The following MORC2 variants were observed in gnomAD, a reference collection of about 807,000 sequenced individuals.
MORC2 encodes MORC family CW-type zinc finger 2, also known as ATPase MORC2.
In MORC2, 30 loss-of-function variants were observed where a neutral mutation model predicts 136.0. The observed-to-expected ratio is 0.22, with a 90% CI of 0.17 to 0.30. The LOEUF is 0.30. Among genes scored for constraint, MORC2 ranks in the 10% least tolerant of loss-of-function variants. The probability of loss-of-function intolerance (pLI) is 1.00; values close to 1 mark genes in which losing one functional copy is unlikely to be tolerated. For synonymous variants in MORC2, 439 were observed against 487.0 expected (o/e 0.90, Z 1.30); for missense variants, 922 against 1,333.1 (o/e 0.69, Z 4.80).
In MORC2 at chr22:30,938,154, T is replaced by C. The variant is rs1602486010; in HGVS notation, c.1125A>G (p.Glu375=). 3 of 1,614,076 alleles carry C rather than the reference T, an allele frequency of 1.9e-6. No homozygotes were observed. In the African/African-American group the frequency reaches 4.0e-5, roughly 22 times the overall value. ...TGAACATGCCATCCAGATCCCGGTG[T>C]TCAATGTTGACACCAAAAACAAAAT... ...ELNFVFGVNI[E]HRDLDGMFIY... is the part of the protein sequence containing the mutation. The change falls in exon 13 of 26, where the codon GAA becomes GAG. Residue 375 remains glutamate (E), a synonymous_variant. Coordinates refer to ENST00000397641, the MANE Select transcript of MORC2 (RefSeq NM_001303256.3).
Position 30,939,610 on chromosome 22 carries a change from C to CT in MORC2, c.1073+10dup. The CT allele has an allele frequency of 2.5e-6, 4 of 1,613,848 alleles. No homozygotes were observed. The highest frequency in any genetic ancestry group is 3.4e-6 in the Non-Finnish European group (4 of 1,179,852). On this transcript the variant is annotated intron_variant, in intron 12 of 25. Coordinates refer to ENST00000397641, the MANE Select transcript of MORC2 (RefSeq NM_001303256.3). ...CAGTTTAAAAGATCCAAGGACAGGC[C>CT]TGGCACTCACCGCTGCTTGGCCTCC...
chr22:30,926,296 C>T lies in MORC2; in HGVS notation c.*507G>A, dbSNP rs1476174827. On this transcript the variant is annotated 3_prime_UTR_variant, in exon 26 of 26. Transcript: ENST00000397641. ...AGAGAGAGCCCCTCCAATGTGGAAC[C>T]TCCTACACAGCCCCCCTTTTGGGTC... 6.6e-6 allele frequency: 1 copy of T among 152,554 alleles called. No homozygotes were observed. Among genetic ancestry groups the T allele is most frequent in the East Asian group, 1.9e-4 (1 of 5,202 alleles). 9.5% of individuals were successfully genotyped at this position (152,554 alleles called of 1,614,324 possible).
intron 2 of MORC2, among the ~76,000 whole-genome samples, chr22:30,957,098 T>A (rs2147304373): frequency 6.6e-6 from 1 of 152,316 alleles, no homozygotes; most frequent in South Asian, 2.1e-4. Context: ...CAAGAATATT[T>A]CCCTTTATAC....
Position 30,937,473 on chromosome 22 carries a change from G to T in MORC2, c.1498+110C>A. On this transcript the variant is annotated intron_variant, in intron 15 of 25. Transcript: ENST00000397641. The surrounding 1 kb of genome is among the most constrained non-coding windows in gnomAD (Gnocchi z 4.7). Reference sequence around the variant, plus strand: ...GTCAAACAGACTTGGATCCCTAGGGGACTGTAAGTCCATGAATGTCAGTCA... The same window carrying T: ...GTCAAACAGACTTGGATCCCTAGGGTACTGTAAGTCCATGAATGTCAGTCA... 6.7e-7 allele frequency: 1 copy of T among 1,486,474 alleles called. No individual in the cohort carries two copies. Among genetic ancestry groups the T allele is most frequent in the Non-Finnish European group, 9.1e-7 (1 of 1,103,400 alleles). The allele number at this position is 1,486,474 out of a possible 1,614,324, so 92.1% of individuals were successfully genotyped here. A position where few individuals can be genotyped will look rare whatever the true frequency, so the allele number is the denominator to read the frequency against.
chr22:30,937,783 AAGGCAG>A lies in MORC2; in HGVS notation c.1369+26_1369+31del, dbSNP rs753976360. On this transcript the variant is annotated intron_variant, in intron 14 of 25. Transcript: ENST00000397641. This position sits in a 1 kb window ranked among gnomAD's most constrained non-coding sequence, Gnocchi z 4.7. Reference sequence around the variant, plus strand: ...TCTCCCTACATTCAGGTGAAGAGAAAAGGCAGAGGCCCAGCAGCCCAGCCCCATTAC... The same window carrying A: ...TCTCCCTACATTCAGGTGAAGAGAAAAGGCCCAGCAGCCCAGCCCCATTAC... 14 of 1,613,882 alleles carry A rather than the reference AAGGCAG, an allele frequency of 8.7e-6. No homozygotes were observed. The highest frequency in any genetic ancestry group is 1.1e-5 in the Non-Finnish European group (13 of 1,179,952).
At chr22:30,935,700 T>G (rs1453500301) in intron 17 of MORC2, among the ~76,000 whole-genome samples, 1 of 152,088 alleles carries the variant, frequency 6.6e-6, no homozygotes, top group Non-Finnish European at 1.5e-5. Context: ...TGAGAGCACA[T>G]CTGCACAGAC....
intron 6 of MORC2, among the ~76,000 whole-genome samples, chr22:30,943,430 C>T (rs1376651777): frequency 6.6e-6 from 1 of 152,190 alleles, no homozygotes; most frequent in African/African-American, 2.4e-5. Context: ...ATAAATATTT[C>T]AATACACTCT....
intron 6 of MORC2, among the ~76,000 whole-genome samples, chr22:30,942,817 C>T (rs2040760587): frequency 6.6e-6 from 1 of 152,032 alleles, no homozygotes; most frequent in South Asian, 2.1e-4. Flanking sequence ...CCAGTCTGGG[C>T]AACATGGTGA....
chr22:30,939,488 C>T (rs1405441899), intron 12 of MORC2, 133 bp downstream of exon 12: 2 of 820,512 alleles, frequency 2.4e-6, no homozygotes, highest in South Asian at 1.8e-5. Flanking sequence ...TTAAGACTTC[C>T]CTCCTGCAGG....
intron 1 of MORC2, among the ~76,000 whole-genome samples, chr22:30,964,993 T>C (rs1170659921): frequency 6.6e-6 from 1 of 152,216 alleles, no homozygotes; most frequent in African/African-American, 2.4e-5. Context: ...TTTCATATAA[T>C]CCTCGTAAAA....
At chr22:30,966,637 G>A (rs2041132557) in intron 1 of MORC2, among the ~76,000 whole-genome samples, 1 of 152,070 alleles carries the variant, frequency 6.6e-6, no homozygotes, top group Non-Finnish European at 1.5e-5. Flanking sequence ...AATTAGCTGG[G>A]CGTGGTGGTG....
At chr22:30,951,575 TC>T (rs1039404707) in intron 3 of MORC2, among the ~76,000 whole-genome samples, 8 of 152,178 alleles carry the variant, frequency 5.3e-5, no homozygotes, top group African/African-American at 1.7e-4. Context: ...AGGTAGCATT[TC>T]TAAGAGGAAA....
At chr22:30,940,375 T>C (rs1401724606) in intron 10 of MORC2, among the ~76,000 whole-genome samples, 2 of 149,864 alleles carry the variant, frequency 1.3e-5, no homozygotes, top group Non-Finnish European at 3.0e-5. Flanking sequence ...AGCCAATCAC[T>C]CTCCAACAAG....
Position 30,926,461 on chromosome 22 carries a change from G to A in MORC2, c.*342C>T, listed in dbSNP as rs1466212766. 2 of 157,072 alleles carry A rather than the reference G, an allele frequency of 1.3e-5. No homozygotes were observed. The highest frequency in any genetic ancestry group is 2.6e-5 in the Non-Finnish European group (2 of 77,230). The allele number at this position is 157,072 out of a possible 1,614,324, so 9.7% of individuals were successfully genotyped here. A position where few individuals can be genotyped will look rare whatever the true frequency, so the allele number is the denominator to read the frequency against. ...TCTCCAAGATGGCACTGGACTCGCC[G>A]TTATCTTGAGGAGCCAGGAGCTGAA... On this transcript the variant is annotated 3_prime_UTR_variant, in exon 26 of 26. Coordinates refer to ENST00000397641, the MANE Select transcript of MORC2 (RefSeq NM_001303256.3).
intron 24 of MORC2, among the ~76,000 whole-genome samples, chr22:30,929,659 G>A (rs952357204): frequency 6.6e-6 from 1 of 152,156 alleles, no homozygotes. Flanking sequence ...GAGGCAGGAG[G>A]CTGAGGCAGG....
At chr22:30,967,489 T>C (rs776811350) in intron 1 of MORC2, 3 of 1,085,048 alleles carry the variant, frequency 2.8e-6, no homozygotes, top group Non-Finnish European at 3.4e-6. Context: ...GATACTAAAA[T>C]AGTCCAACAT....
intron 6 of MORC2, among the ~76,000 whole-genome samples, chr22:30,944,032 A>G (rs2040778560): frequency 6.6e-6 from 1 of 152,226 alleles, no homozygotes; most frequent in Non-Finnish European, 1.5e-5. Context: ...TGCTGGGATT[A>G]TAGGCGTGAG....
Position 30,932,320 on chromosome 22 carries a change from G to T in MORC2, c.2841+39C>A, listed in dbSNP as rs373904874. The T allele has an allele frequency of 2.1e-5, 31 of 1,488,064 alleles. No homozygotes were observed. Among genetic ancestry groups the T allele is most frequent in the Admixed American group, 3.5e-5 (2 of 56,958 alleles). The allele number at this position is 1,488,064 out of a possible 1,614,324, so 92.2% of individuals were successfully genotyped here. A position where few individuals can be genotyped will look rare whatever the true frequency, so the allele number is the denominator to read the frequency against. On this transcript the variant is annotated intron_variant, in intron 24 of 25. Coordinates refer to ENST00000397641, the MANE Select transcript of MORC2 (RefSeq NM_001303256.3). The surrounding 1 kb of genome is among the most constrained non-coding windows in gnomAD (Gnocchi z 4.4). Reference sequence around the variant, plus strand: ...AACAAATGCAGGGGCAGGGGTGGGGGAATGAAGAGTGTGGAATCGAAGGTC... The same window carrying T: ...AACAAATGCAGGGGCAGGGGTGGGGTAATGAAGAGTGTGGAATCGAAGGTC...
At chr22:30,954,952 ATTTTTTTTTTTT>A (rs34059352) in intron 3 of MORC2, among the ~76,000 whole-genome samples, 179 of 105,324 alleles carry the variant, frequency 1.7e-3, no homozygotes, top group African/African-American at 6.3e-3. Context: ...TGGCCTGAGC[ATTTTTTTTTTTT>A]TTTTTTTTTT....
Sources: gnomAD v4.1 joint callset for allele counts (sites outside exome capture counted in the v4.1 genomes callset) on GRCh38, gnomAD v4.1.1 for gene constraint, Gnocchi (gnomAD v3.1) non-coding constraint, MANE v1.5 for transcripts, NCBI Gene and HGNC (gene_info 2026-07-23, HGNC 2026-07-21) for gene names.